AKAP6: variants seen among roughly 807,000 people sequenced by gnomAD.
AKAP6 encodes A-kinase anchoring protein 6, also known as A-kinase anchor protein 6.
A neutral mutation model predicts 188.5 loss-of-function variants in AKAP6; 58 were observed. That is an observed-to-expected ratio of 0.31 (90% CI 0.25 to 0.38). AKAP6 has a LOEUF of 0.38. Among genes scored for constraint, AKAP6 ranks in the 10% least tolerant of loss-of-function variants. The probability of loss-of-function intolerance (pLI) is 1.00; values close to 1 mark genes in which losing one functional copy is unlikely to be tolerated. For synonymous variants in AKAP6, 989 were observed against 998.6 expected (o/e 0.99, Z 0.18); for missense variants, 2,710 against 2,740.0 (o/e 0.99, Z 0.24).
Position 32,568,834 on chromosome 14 carries a change from A to G in AKAP6, c.2347-8286A>G, listed in dbSNP as rs1336812584. 2.0e-5 allele frequency among the ~76,000 whole-genome samples: 3 copies of G among 152,206 alleles called. No homozygotes were observed. The highest frequency in any genetic ancestry group is 6.5e-5 in the Admixed American group (1 of 15,270). On this transcript the variant is annotated intron_variant, in intron 4 of 13. Coordinates refer to ENST00000280979, the MANE Select transcript of AKAP6 (RefSeq NM_004274.5). This position sits in a 1 kb window ranked among gnomAD's most constrained non-coding sequence, Gnocchi z 6.2. ...CTGGTGTGTAGTAAGTGCTCAGTTA[A>G]TGTTAACCTATTGTTTGTTCCAGTT...
rs2034879083 is a variant in AKAP6 at position 32,836,685 on chromosome 14, A to G, written c.*6880A>G. 1.3e-5 allele frequency: 2 copies of G among 152,168 alleles called. No individual in the cohort carries two copies. Among genetic ancestry groups the G allele is most frequent in the Non-Finnish European group, 2.9e-5 (2 of 68,036 alleles). 9.4% of individuals were successfully genotyped at this position (152,168 alleles called of 1,614,324 possible). ...TATTCCAAAATTTTGGTACTCTATT[A>G]TGGGTTACAAACCCCTTGTGACACC... On this transcript the variant is annotated 3_prime_UTR_variant, in exon 14 of 14. Coordinates refer to ENST00000280979, the MANE Select transcript of AKAP6 (RefSeq NM_004274.5).
At chr14:32,482,285 A>G (rs1222324506) in intron 2 of AKAP6, among the ~76,000 whole-genome samples, 2 of 152,108 alleles carry the variant, frequency 1.3e-5, no homozygotes, top group African/African-American at 4.8e-5. Context: ...CACTGCCAAC[A>G]TTTCTGGCTA....
chr14:32,565,966 C>T (rs1312155146), intron 4 of AKAP6, among the ~76,000 whole-genome samples: 1 of 152,156 alleles, frequency 6.6e-6, no homozygotes, highest in African/African-American at 2.4e-5. Context: ...CCCCTTGATG[C>T]CCAAAGAGTG....
intron 4 of AKAP6, 22 bp from the exon 5 acceptor site, chr14:32,577,098 C>G: frequency 6.3e-7 from 1 of 1,587,892 alleles, no homozygotes; most frequent in Non-Finnish European, 8.5e-7. Flanking sequence ...CCTTTTTTTC[C>G]CCTTTTCTTT....
At chr14:32,622,006 C>A (rs1886833572) in intron 7 of AKAP6, among the ~76,000 whole-genome samples, 1 of 152,082 alleles carries the variant, frequency 6.6e-6, no homozygotes, top group Admixed American at 6.5e-5. Flanking sequence ...GGCATATATC[C>A]TTTTAAATTT....
chr14:32,506,007 G>A (rs1036611743), intron 2 of AKAP6, among the ~76,000 whole-genome samples: 2 of 151,988 alleles, frequency 1.3e-5, no homozygotes, highest in East Asian at 1.9e-4. Flanking sequence ...GCTAAGCGTC[G>A]TGGCATGGAC....
At chr14:32,535,945 C>T in intron 3 of AKAP6, 140 bp downstream of exon 3, 3 of 1,283,722 alleles carry the variant, frequency 2.3e-6, no homozygotes, top group South Asian at 3.0e-5. Flanking sequence ...GGCATAGTGA[C>T]TAGAAGCTAG....
intron 7 of AKAP6, among the ~76,000 whole-genome samples, chr14:32,639,682 G>A (rs10483418): frequency 0.052 from 7,938 of 152,194 alleles, 706 homozygotes; most frequent in African/African-American, 0.18. Context: ...AGTCCAAAGT[G>A]TTAGAAGAAC....
chr14:32,811,993 T>C (rs2034248622), intron 12 of AKAP6, among the ~76,000 whole-genome samples: 1 of 152,180 alleles, frequency 6.6e-6, no homozygotes, highest in East Asian at 1.9e-4. Context: ...TTTTAAAAAA[T>C]GTAAGTTTTT....
rs533737779 is a variant in AKAP6 at position 32,639,338 on chromosome 14, G to A, written c.2730+38546G>A. ...TCAAGTATATGTCAGATTTTTAGAG[G>A]AAGGATGCTATAGCCATCTTCATCT... On this transcript the variant is annotated intron_variant, in intron 7 of 13. Transcript: ENST00000280979. Among the ~76,000 whole-genome samples the A allele has an allele frequency of 3.3e-5, 5 of 152,192 alleles. No homozygotes were observed. The South Asian group carries it at 1.0e-3, about 32-fold the overall frequency.
At chr14:32,375,676 A>G (rs1380534143) in intron 1 of AKAP6, among the ~76,000 whole-genome samples, 1 of 152,196 alleles carries the variant, frequency 6.6e-6, no homozygotes, top group Non-Finnish European at 1.5e-5. Context: ...TAAGTAGTTT[A>G]TATTCATGGG....
chr14:32,665,548 A>G (rs1251750480), intron 7 of AKAP6, among the ~76,000 whole-genome samples: 1 of 152,116 alleles, frequency 6.6e-6, no homozygotes, highest in African/African-American at 2.4e-5. Flanking sequence ...CTATCTGGAA[A>G]TTCACTGAAC....
chr14:32,461,281 G>T (rs757094926), intron 2 of AKAP6, among the ~76,000 whole-genome samples: 1 of 152,198 alleles, frequency 6.6e-6, no homozygotes, highest in Non-Finnish European at 1.5e-5. Flanking sequence ...CTCCTGATGG[G>T]GAGACACCTC....
intron 2 of AKAP6, among the ~76,000 whole-genome samples, chr14:32,493,321 C>T (rs1415448066): frequency 6.6e-6 from 1 of 152,132 alleles, no homozygotes; most frequent in Non-Finnish European, 1.5e-5. Context: ...GTCCTCCCAC[C>T]TCAGCCTCCC....
chr14:32,826,167 A>C (rs2034667944), intron 13 of AKAP6, among the ~76,000 whole-genome samples: 2 of 151,994 alleles, frequency 1.3e-5, no homozygotes, highest in South Asian at 4.2e-4. Context: ...AATGGGGACT[A>C]AGGGGGGGCA....
intron 5 of AKAP6, among the ~76,000 whole-genome samples, chr14:32,590,462 A>G (rs141734759): frequency 6.6e-6 from 1 of 152,172 alleles, no homozygotes; most frequent in South Asian, 2.1e-4. Context: ...AAAACAAAAC[A>G]AAACTAAACA....
chr14:32,739,411 C>A (rs1026627817), intron 11 of AKAP6, among the ~76,000 whole-genome samples: 3 of 151,940 alleles, frequency 2.0e-5, no homozygotes, highest in Non-Finnish European at 2.9e-5. Context: ...TAAAAATATA[C>A]AATTAAGTTA....
At chr14:32,657,810 A>G (rs1888516137) in intron 7 of AKAP6, among the ~76,000 whole-genome samples, 1 of 149,064 alleles carries the variant, frequency 6.7e-6, no homozygotes, top group Admixed American at 6.7e-5. Flanking sequence ...TATTCCATAT[A>G]ATGATGATGC....
intron 12 of AKAP6, among the ~76,000 whole-genome samples, chr14:32,810,257 TTTTTTTTTTAA>T (rs2034191817): frequency 6.6e-6 from 1 of 151,192 alleles, no homozygotes; most frequent in South Asian, 2.1e-4. Context: ...AATGCTCGTT[TTTTTTTTTTAA>T]TTTACAAAAT....
Sources: allele counts gnomAD v4.1 joint callset (sites outside exome capture counted in the v4.1 genomes callset), GRCh38; gene constraint gnomAD v4.1.1; non-coding constraint Gnocchi (gnomAD v3.1); transcripts MANE v1.5; gene names NCBI Gene and HGNC (gene_info 2026-07-23, HGNC 2026-07-21).